The following ZNF277 variants were observed in gnomAD, a reference collection of about 807,000 sequenced individuals.
ZNF277 encodes zinc finger protein 277.
In ZNF277, 55 loss-of-function variants were observed where a neutral mutation model predicts 60.7. The ratio of observed to expected loss-of-function variants is 0.91; its 90% CI spans 0.73 to 1.13. The LOEUF (loss-of-function observed/expected upper bound fraction) is 1.13, where lower values mean the gene tolerates loss of function less well. Among genes scored for constraint, ZNF277 ranks in the 50% most tolerant of loss-of-function variants. The pLI is 0.00. For synonymous variants in ZNF277, 178 were observed against 179.3 expected (o/e 0.99, Z 0.06); for missense variants, 510 against 523.0 (o/e 0.98, Z 0.24).
chr7:112,277,714 C>T (rs1791841355), intron 1 of ZNF277, among the ~76,000 whole-genome samples: 1 of 152,120 alleles, frequency 6.6e-6, no homozygotes, highest in African/African-American at 2.4e-5. Flanking sequence ...TTTTTCATCA[C>T]AGAAAGTTAT....
chr7:112,288,951 T>TAAAAAAAAAAA (rs759044500), intron 2 of ZNF277: 1 of 70,388 alleles, frequency 1.4e-5, no homozygotes, highest in African/African-American at 6.7e-5. Context: ...CTGCCTTTCT[T>TAAAAAAAAAAA]AAAAAAAAAA....
At chr7:112,320,320 A>G (rs1205544108) in intron 5 of ZNF277, among the ~76,000 whole-genome samples, 1 of 152,040 alleles carries the variant, frequency 6.6e-6, no homozygotes, top group African/African-American at 2.4e-5. Flanking sequence ...GTAAATGCAC[A>G]TTTTTTTAAA....
At chr7:112,247,816 A>G (rs934834663) in intron 1 of ZNF277, among the ~76,000 whole-genome samples, 2 of 151,890 alleles carry the variant, frequency 1.3e-5, no homozygotes, top group African/African-American at 4.8e-5. Context: ...AAAAATACAA[A>G]AATTAGCCAG....
At chr7:112,293,584 A>G (rs889779456) in intron 2 of ZNF277, among the ~76,000 whole-genome samples, 3 of 151,984 alleles carry the variant, frequency 2.0e-5, no homozygotes, top group African/African-American at 7.3e-5. Context: ...TATCTCAAAA[A>G]AAAAAAAAAA....
chr7:112,318,026 T>C (rs1217041665), intron 4 of ZNF277, among the ~76,000 whole-genome samples, 156 bp from the exon 5 acceptor site: 1 of 152,154 alleles, frequency 6.6e-6, no homozygotes, highest in African/African-American at 2.4e-5. Context: ...ACTTGGAGTT[T>C]AATGCAAAAA....
chr7:112,229,408 A>G (rs567613508), intron 1 of ZNF277, among the ~76,000 whole-genome samples: 6 of 152,358 alleles, frequency 3.9e-5, no homozygotes, highest in African/African-American at 1.4e-4. Flanking sequence ...TTAAAGCTGC[A>G]GACTCCAAAG....
chr7:112,223,852 A>G (rs1822100305), intron 1 of ZNF277, among the ~76,000 whole-genome samples: 1 of 152,244 alleles, frequency 6.6e-6, no homozygotes, highest in African/African-American at 2.4e-5. Flanking sequence ...TTGGGGTTGC[A>G]GTCTTCCTTG....
intron 1 of ZNF277, among the ~76,000 whole-genome samples, chr7:112,216,244 G>A (rs1285519511): frequency 6.6e-6 from 1 of 152,214 alleles, no homozygotes; most frequent in Non-Finnish European, 1.5e-5. Flanking sequence ...AGACAGTACA[G>A]CTTTGCAAAA....
At chr7:112,322,827 A>G (rs756071473) in intron 5 of ZNF277, among the ~76,000 whole-genome samples, 5 of 152,112 alleles carry the variant, frequency 3.3e-5, no homozygotes, top group African/African-American at 2.4e-5. Flanking sequence ...ACATTTAAGT[A>G]ATATAATGTG....
chr7:112,228,794 G>T (rs1233369185), intron 1 of ZNF277, among the ~76,000 whole-genome samples: 1 of 152,094 alleles, frequency 6.6e-6, no homozygotes, highest in East Asian at 1.9e-4. Flanking sequence ...CTTATCCAAA[G>T]ATCGAGAGCA....
intron 2 of ZNF277, chr7:112,287,422 CTA>C (rs1389207718): frequency 5.9e-6 from 1 of 170,728 alleles, no homozygotes; most frequent in Non-Finnish European, 1.2e-5. Flanking sequence ...GTGACATAAT[CTA>C]TATATAAAAT....
intron 1 of ZNF277, among the ~76,000 whole-genome samples, chr7:112,281,489 T>C (rs1791943224): frequency 6.6e-6 from 1 of 152,258 alleles, no homozygotes; most frequent in Admixed American, 6.5e-5. Context: ...TCTAATTTAA[T>C]ATAACATACT....
intron 1 of ZNF277, among the ~76,000 whole-genome samples, chr7:112,260,817 C>T (rs948706690): frequency 6.6e-6 from 1 of 152,180 alleles, no homozygotes. Context: ...TCTAGTGTCT[C>T]TGCTACCTTT....
chr7:112,304,177 TG>T (rs1792541091), intron 4 of ZNF277, among the ~76,000 whole-genome samples: 1 of 152,202 alleles, frequency 6.6e-6, no homozygotes, highest in African/African-American at 2.4e-5. Context: ...TTTTATTGAT[TG>T]TTTTTAAAGA....
chr7:112,335,525 T>C (rs1486606815), intron 7 of ZNF277, among the ~76,000 whole-genome samples: 1 of 152,156 alleles, frequency 6.6e-6, no homozygotes, highest in Non-Finnish European at 1.5e-5. Flanking sequence ...GGGATTTGAG[T>C]AGGTACTAGA....
At chr7:112,235,955 G>T (rs1790772347) in intron 1 of ZNF277, among the ~76,000 whole-genome samples, 1 of 151,954 alleles carries the variant, frequency 6.6e-6, no homozygotes, top group Non-Finnish European at 1.5e-5. Context: ...TTTGTGTAGG[G>T]TTTAAGAAAG....
In ZNF277 at chr7:112,296,284, T is replaced by C; in HGVS notation, c.438T>C (p.Leu146=). 1 of 1,590,294 alleles carries C rather than the reference T, an allele frequency of 6.3e-7. No individual in the cohort carries two copies. Among genetic ancestry groups the C allele is most frequent in the East Asian group, 2.3e-5 (1 of 44,280 alleles). Residue 146 remains leucine (L), a synonymous_variant, in exon 4 of 12, where the codon CTT becomes CTC. Coordinates refer to ENST00000361822, the MANE Select transcript of ZNF277 (RefSeq NM_021994.3). ...ACGTTTTACCAGAAGATAGAATTCT[T>C]AGAGAAGAGCTTCAGAAACAGAGAC... The part of the protein sequence containing the change: ...LCDVLPEDRI[L]REELQKQRLR...
intron 6 of ZNF277, among the ~76,000 whole-genome samples, chr7:112,328,627 T>C (rs1474933718): frequency 6.6e-6 from 1 of 151,980 alleles, no homozygotes; most frequent in Non-Finnish European, 1.5e-5. Context: ...TCCCAGCACT[T>C]TGGGAGGCCG....
intron 1 of ZNF277, among the ~76,000 whole-genome samples, chr7:112,229,251 C>T (rs551280840): frequency 1.3e-5 from 2 of 152,270 alleles, no homozygotes; most frequent in East Asian, 3.9e-4. Flanking sequence ...TGGTTGCCCT[C>T]ATGGAAGAAG....
Sources: gnomAD v4.1 joint callset for allele counts (sites outside exome capture counted in the v4.1 genomes callset) on GRCh38, gnomAD v4.1.1 for gene constraint, MANE v1.5 for transcripts, NCBI Gene and HGNC (gene_info 2026-07-23, HGNC 2026-07-21) for gene names.